ADAMTS20: variants seen among roughly 807,000 people sequenced by gnomAD.
ADAMTS20 encodes the protein A disintegrin and metalloproteinase with thrombospondin motifs 20.
Under a neutral mutation model 260.1 loss-of-function variants are expected in ADAMTS20, and 225 were observed. The ratio of observed to expected loss-of-function variants is 0.87; its 90% CI spans 0.78 to 0.97. The LOEUF is 0.97. Among genes scored for constraint, ADAMTS20 ranks in the 50% least tolerant of loss-of-function variants. ADAMTS20 has a pLI of 0.00. For synonymous variants in ADAMTS20, 802 were observed against 769.5 expected (o/e 1.04, Z -0.70); for missense variants, 2,400 against 2,337.7 (o/e 1.03, Z -0.55).
chr12:43,504,488 CCTAAAACT>C, intron 3 of ADAMTS20, among the ~76,000 whole-genome samples: 1 of 152,134 alleles, frequency 6.6e-6, no homozygotes, highest in South Asian at 2.1e-4. Flanking sequence ...ATTGTGCAGT[CCTAAAACT>C]TTTTCTTGCC....
At chr12:43,441,906 A>G (rs969163698) in intron 16 of ADAMTS20, among the ~76,000 whole-genome samples, 1 of 152,190 alleles carries the variant, frequency 6.6e-6, no homozygotes, top group African/African-American at 2.4e-5. Flanking sequence ...GGACTAGTAT[A>G]ACTGTCTTTA....
intron 2 of ADAMTS20, among the ~76,000 whole-genome samples, chr12:43,537,901 T>C (rs1213643696): frequency 6.6e-6 from 1 of 152,252 alleles, no homozygotes; most frequent in Non-Finnish European, 1.5e-5. Context: ...CCACATTCTC[T>C]TTATCTATTC....
chr12:43,498,977 T>A (rs1039281984), intron 4 of ADAMTS20, among the ~76,000 whole-genome samples: 4 of 152,138 alleles, frequency 2.6e-5, no homozygotes, highest in Non-Finnish European at 5.9e-5. Flanking sequence ...AACCATAGGG[T>A]CTACTAATTT....
intron 27 of ADAMTS20, among the ~76,000 whole-genome samples, chr12:43,426,895 A>G (rs1033858273): frequency 6.6e-6 from 1 of 152,330 alleles, no homozygotes; most frequent in South Asian, 2.1e-4. Flanking sequence ...ATGACAGAAC[A>G]TCTATTAAAA....
At chr12:43,534,890 G>A (rs1354944646) in intron 2 of ADAMTS20, among the ~76,000 whole-genome samples, 1 of 152,074 alleles carries the variant, frequency 6.6e-6, no homozygotes, top group Admixed American at 6.6e-5. Flanking sequence ...GATGGACTAG[G>A]TATGGCATCG....
At chr12:43,360,483 A>C (rs975788343) in intron 37 of ADAMTS20, among the ~76,000 whole-genome samples, 1 of 152,074 alleles carries the variant, frequency 6.6e-6, no homozygotes, top group Non-Finnish European at 1.5e-5. Context: ...TAAAATAAGC[A>C]TAAAAAGACA....
chr12:43,356,280 C>T (rs972418681), intron 38 of ADAMTS20, among the ~76,000 whole-genome samples: 2 of 152,122 alleles, frequency 1.3e-5, no homozygotes, highest in Non-Finnish European at 2.9e-5. Flanking sequence ...ATATACAAAA[C>T]CTCCACATGC....
chr12:43,541,153 T>C (rs1565587782), intron 2 of ADAMTS20, among the ~76,000 whole-genome samples: 1 of 152,160 alleles, frequency 6.6e-6, no homozygotes, highest in Non-Finnish European at 1.5e-5. Flanking sequence ...CTGGAGAACA[T>C]TCGGAAATAA....
In ADAMTS20 at chr12:43,354,549, T is replaced by A. The variant is rs542421292; in HGVS notation, c.5644-251A>T. ...AGTTGAATATTATATACAATTTAAA[T>A]CTCAATTAAGATTTAAATCCAATCC... is the stretch of plus-strand genomic sequence containing the variant. On this transcript the variant is annotated intron_variant, in intron 38 of 38. Coordinates refer to ENST00000389420, the MANE Select transcript of ADAMTS20 (RefSeq NM_025003.5). 5.3e-5 allele frequency among the ~76,000 whole-genome samples: 6 copies of A among 113,238 alleles called. No homozygotes were observed. In the East Asian group the frequency reaches 9.9e-4, roughly 19 times the overall value. 74.3% of individuals were successfully genotyped at this position (113,238 alleles called of 152,430 possible). A position where few individuals can be genotyped will look rare whatever the true frequency, so the allele number is the denominator to read the frequency against.
chr12:43,532,218 T>C (rs1418476427), intron 2 of ADAMTS20, 23 bp from the exon 3 acceptor site: 9 of 1,580,858 alleles, frequency 5.7e-6, no homozygotes, highest in Non-Finnish European at 7.7e-6. Context: ...GAAACAAAAA[T>C]GAATTTTTCC....
intron 37 of ADAMTS20, among the ~76,000 whole-genome samples, chr12:43,357,551 T>G (rs929364421): frequency 6.6e-6 from 1 of 152,242 alleles, no homozygotes; most frequent in African/African-American, 2.4e-5. Flanking sequence ...TTATATTGTA[T>G]ATTTCTCATT....
intron 31 of ADAMTS20, among the ~76,000 whole-genome samples, chr12:43,382,706 A>C (rs2137224516): frequency 6.6e-6 from 1 of 152,216 alleles, no homozygotes; most frequent in African/African-American, 2.4e-5. Flanking sequence ...AAAATTGGAA[A>C]ATTTTACCTA....
At chr12:43,490,458 G>A in intron 6 of ADAMTS20, 23 bp from the exon 7 acceptor site, 1 of 1,243,568 alleles carries the variant, frequency 8.0e-7, no homozygotes, top group Non-Finnish European at 1.1e-6. Flanking sequence ...GATTTATTTT[G>A]AAGCATTTTT....
chr12:43,440,369 G>C (rs1481952502), intron 16 of ADAMTS20, among the ~76,000 whole-genome samples: 1 of 152,070 alleles, frequency 6.6e-6, no homozygotes, highest in Admixed American at 6.6e-5. Context: ...GGCTGGTCTC[G>C]AACTCCTGAC....
chr12:43,399,078 A>T lies in ADAMTS20; in HGVS notation c.4440T>A (p.Asn1480Lys). 1 of 1,519,872 alleles carries T rather than the reference A, an allele frequency of 6.6e-7. No individual in the cohort carries two copies. Among genetic ancestry groups the T allele is most frequent in the Non-Finnish European group, 8.8e-7 (1 of 1,132,804 alleles). The allele number at this position is 1,519,872 out of a possible 1,614,324, so 94.1% of individuals were successfully genotyped here. A position where few individuals can be genotyped will look rare whatever the true frequency, so the allele number is the denominator to read the frequency against. Residue 1480 changes from asparagine to lysine, a missense_variant, in exon 29 of 39, where the codon AAT (asparagine) becomes AAA (lysine). By Grantham distance (94) the Asn-to-Lys change is moderately conservative. Coordinates refer to ENST00000389420, the MANE Select transcript of ADAMTS20 (RefSeq NM_025003.5). ...RSVRCPSWKA[N>K]SWNECSVTCG... ...ATACATCATATACCTCATTCCAGCT[A>T]TTGGCTTTCCATGAAGGGCATCTGA... is the stretch of plus-strand genomic sequence containing the variant.
chr12:43,520,157 G>A (rs1023992325), intron 3 of ADAMTS20, among the ~76,000 whole-genome samples: 1 of 152,140 alleles, frequency 6.6e-6, no homozygotes, highest in African/African-American at 2.4e-5. Context: ...AGAGGTAAAA[G>A]AGAGAGAATG....
At chr12:43,527,768 G>C (rs538684859) in intron 3 of ADAMTS20, among the ~76,000 whole-genome samples, 1 of 151,972 alleles carries the variant, frequency 6.6e-6, no homozygotes, top group Non-Finnish European at 1.5e-5. Context: ...TTCCCCCTGA[G>C]AACTGGAACA....
At chr12:43,482,185 G>GC (rs1367727963) in intron 7 of ADAMTS20, among the ~76,000 whole-genome samples, 1 of 152,178 alleles carries the variant, frequency 6.6e-6, no homozygotes, top group Non-Finnish European at 1.5e-5. Flanking sequence ...GCTAATTCAG[G>GC]CAGTGGTCAC....
intron 4 of ADAMTS20, among the ~76,000 whole-genome samples, chr12:43,496,447 A>G (rs981292503): frequency 1.3e-5 from 2 of 152,222 alleles, no homozygotes; most frequent in African/African-American, 4.8e-5. Context: ...TTCTTGGTAC[A>G]AAACATTTGA....
Sources: allele counts gnomAD v4.1 joint callset (sites outside exome capture counted in the v4.1 genomes callset), GRCh38; gene constraint gnomAD v4.1.1; transcripts MANE v1.5; gene names NCBI Gene and HGNC (gene_info 2026-07-23, HGNC 2026-07-21).